Variants in ASPSCR1 observed in about 807,000 individuals in gnomAD.
ASPSCR1 encodes ASPSCR1 tether for SLC2A4, UBX domain containing.
Under a neutral mutation model 68.9 loss-of-function variants are expected in ASPSCR1, and 55 were observed. That is an observed-to-expected ratio of 0.80 (90% CI 0.64 to 1.00). The LOEUF (loss-of-function observed/expected upper bound fraction) is 1.00, where lower values mean the gene tolerates loss of function less well. ASPSCR1 is among the 50% of genes least tolerant of loss of function. The pLI, the probability that ASPSCR1 is intolerant of heterozygous loss-of-function variation, is 0.00. For missense variants in ASPSCR1, 765 were observed against 762.2 expected (o/e 1.00, Z -0.04); for synonymous variants, 352 against 332.6 (o/e 1.06, Z -0.63).
chr17:82,017,019 G>T lies in ASPSCR1; in HGVS notation c.1554G>T (p.Glu518Asp). Residue 518 changes from glutamate to aspartate, a missense_variant, in exon 15 of 16, where the codon GAG (glutamate) becomes GAT (aspartate). Physicochemically the swap from Glu to Asp is conservative, Grantham distance 45. Coordinates refer to ENST00000306739, the MANE Select transcript of ASPSCR1 (RefSeq NM_024083.4). Reference sequence around the variant, plus strand: ...CACCTAAGTCTGAGCCAGCTGCTGAGGAGGGGGCGCTGGTCCCCCCTGAGC... The same window carrying T: ...CACCTAAGTCTGAGCCAGCTGCTGATGAGGGGGCGCTGGTCCCCCCTGAGC... ...DPAPKSEPAA[E>D]EGALVPPEPI... 1 of 1,612,568 alleles carries T rather than the reference G, an allele frequency of 6.2e-7. No homozygotes were observed. Among genetic ancestry groups the T allele is most frequent in the Non-Finnish European group, 8.5e-7 (1 of 1,179,900 alleles).
At chr17:81,995,753 C>G (rs1388939738) in intron 5 of ASPSCR1, among the ~76,000 whole-genome samples, 1 of 152,246 alleles carries the variant, frequency 6.6e-6, no homozygotes, top group Non-Finnish European at 1.5e-5. Context: ...GCTGCGGAGA[C>G]CAGGCTGGGG....
At chr17:82,016,690 C>T (rs1048151913) in intron 13 of ASPSCR1, 110 bp from the exon 14 acceptor site, 2 of 1,452,410 alleles carry the variant, frequency 1.4e-6, no homozygotes, top group African/African-American at 1.4e-5. Flanking sequence ...CTGGGACAGC[C>T]ACCTGCTGGC....
intron 3 of ASPSCR1, among the ~76,000 whole-genome samples, chr17:81,985,252 GCA>G (rs1361218255): frequency 1.3e-5 from 2 of 151,446 alleles, no homozygotes; most frequent in South Asian, 4.2e-4. Context: ...ACACACATAT[GCA>G]CACACGCACG....
chr17:81,983,380 C>T lies in ASPSCR1; in HGVS notation c.159-174C>T, dbSNP rs915550249. Among the ~76,000 whole-genome samples, 1 of 152,026 alleles carries T rather than the reference C, an allele frequency of 6.6e-6. No homozygotes were observed. The highest frequency in any genetic ancestry group is 1.5e-5 in the Non-Finnish European group (1 of 68,020). On this transcript the variant is annotated intron_variant, in intron 2 of 15. Transcript: ENST00000306739. The surrounding 1 kb of genome is among the most constrained non-coding windows in gnomAD (Gnocchi z 4.4). Reference sequence around the variant, plus strand: ...GCAGGAGGCCCCATATGATCGGGGACCCGCCTTGTGCCTCTGCAGGTCATG... The same window carrying T: ...GCAGGAGGCCCCATATGATCGGGGATCCGCCTTGTGCCTCTGCAGGTCATG...
chr17:82,011,707 C>A, intron 11 of ASPSCR1, 102 bp downstream of exon 11: 3 of 1,320,338 alleles, frequency 2.3e-6, no homozygotes, highest in Non-Finnish European at 3.2e-6. Context: ...AGCTTCTCCA[C>A]AGGAGCAGCA....
chr17:81,995,452 G>A (rs762184697), intron 5 of ASPSCR1: 7 of 229,324 alleles, frequency 3.1e-5, no homozygotes, highest in Non-Finnish European at 5.2e-5. Flanking sequence ...ACTGTCCTGA[G>A]GCTGTGGCCC....
chr17:81,991,276 T>C (rs1567964828), intron 4 of ASPSCR1, among the ~76,000 whole-genome samples: 1 of 152,198 alleles, frequency 6.6e-6, no homozygotes, highest in African/African-American at 2.4e-5. Flanking sequence ...GGCCCCTGGC[T>C]GGATCTCTTC....
Position 81,977,703 on chromosome 17 carries a change from C to T in ASPSCR1, c.57C>T (p.Gly19=). Reference sequence around the variant, plus strand: ...CGGTGTCGGTGCTGGCCCCGAACGGCCGGCGCCACACGGTGAAGGTGACGC... The same window carrying T: ...CGGTGTCGGTGCTGGCCCCGAACGGTCGGCGCCACACGGTGAAGGTGACGC... The part of the protein sequence containing the change: ...GSAVSVLAPN[G]RRHTVKVTPS... The change falls in exon 1 of 16, where the codon GGC becomes GGT. Residue 19 remains glycine, a synonymous_variant. Transcript: ENST00000306739. This position sits in a 1 kb window ranked among gnomAD's most constrained non-coding sequence, Gnocchi z 5.0. 5 of 1,359,876 alleles carry T rather than the reference C, an allele frequency of 3.7e-6. No individual in the cohort carries two copies. The highest frequency in any genetic ancestry group is 3.8e-6 in the Non-Finnish European group (4 of 1,049,576). 84.2% of individuals were successfully genotyped at this position (1,359,876 alleles called of 1,614,324 possible). A position where few individuals can be genotyped will look rare whatever the true frequency, so the allele number is the denominator to read the frequency against.
intron 12 of ASPSCR1, chr17:82,015,381 C>G (rs1316648684): frequency 6.3e-7 from 1 of 1,588,240 alleles, no homozygotes; most frequent in Admixed American, 1.7e-5. Context: ...TCAGTGCTCC[C>G]TGCACAGAGG....
In ASPSCR1 at chr17:81,996,714, T is replaced by C. The variant is rs1316369670; in HGVS notation, c.801T>C (p.Ala267=). ...CGAGGCCTCTGACATCATCTTCAGC[T>C]AAGTTGCCGAAGTCCCTCTCCAGCC... is the stretch of plus-strand genomic sequence containing the variant. ...GPTRPLTSSS[A]KLPKSLSSPG... Residue 267 remains alanine, a synonymous_variant, in exon 7 of 16, where the codon GCT becomes GCC. Transcript: ENST00000306739. The C allele has an allele frequency of 6.2e-7, 1 of 1,613,534 alleles. No individual in the cohort carries two copies.
chr17:82,013,172 G>T (rs974173713), intron 12 of ASPSCR1: 5 of 152,214 alleles, frequency 3.3e-5, no homozygotes, highest in African/African-American at 1.2e-4. Context: ...GGAGGCAGGG[G>T]AGGGGTGAGA....
chr17:82,011,054 G>T (rs1385678288), intron 10 of ASPSCR1, among the ~76,000 whole-genome samples, 186 bp downstream of exon 10: 2 of 152,226 alleles, frequency 1.3e-5, no homozygotes, highest in African/African-American at 4.8e-5. Flanking sequence ...TGTCAGGCAG[G>T]CTGGGCGCTT....
chr17:81,984,383 G>C (rs1456235073), intron 3 of ASPSCR1, among the ~76,000 whole-genome samples: 1 of 152,024 alleles, frequency 6.6e-6, no homozygotes, highest in East Asian at 1.9e-4. Flanking sequence ...TTTGGGACCA[G>C]CCGGCCAACA....
intron 4 of ASPSCR1, among the ~76,000 whole-genome samples, chr17:81,993,099 T>G (rs2042224513): frequency 6.6e-6 from 1 of 152,118 alleles, no homozygotes; most frequent in Admixed American, 6.5e-5. Flanking sequence ...CCCACACACG[T>G]GGCCGAGTCC....
intron 7 of ASPSCR1, among the ~76,000 whole-genome samples, chr17:81,997,613 C>G (rs1186575413): frequency 1.3e-5 from 2 of 150,088 alleles, no homozygotes; most frequent in Non-Finnish European, 3.0e-5. Flanking sequence ...CTCAGCCTCC[C>G]GAGTAGCTGG....
intron 12 of ASPSCR1, chr17:82,015,198 C>G: frequency 6.3e-7 from 1 of 1,598,266 alleles, no homozygotes; most frequent in Non-Finnish European, 8.5e-7. Flanking sequence ...CTCTGGGAGG[C>G]TTCTTTTTTG....
intron 4 of ASPSCR1, among the ~76,000 whole-genome samples, chr17:81,989,836 G>T (rs1033122695): frequency 4.6e-5 from 7 of 152,220 alleles, no homozygotes; most frequent in African/African-American, 1.4e-4. Flanking sequence ...CACCCAGGCT[G>T]GAGTGCAGTG....
chr17:81,998,963 C>T (rs959322618), intron 7 of ASPSCR1, among the ~76,000 whole-genome samples: 3 of 152,232 alleles, frequency 2.0e-5, no homozygotes, highest in African/African-American at 7.2e-5. Flanking sequence ...TCCCCCCAAC[C>T]GTGGGGACCT....
chr17:82,015,043 G>T, intron 12 of ASPSCR1: 1 of 1,574,126 alleles, frequency 6.4e-7, no homozygotes, highest in Non-Finnish European at 8.6e-7. Flanking sequence ...GCTCTGGCTG[G>T]GGGGACGGTG....
Sources: allele counts gnomAD v4.1 joint callset (sites outside exome capture counted in the v4.1 genomes callset), GRCh38; gene constraint gnomAD v4.1.1; non-coding constraint Gnocchi (gnomAD v3.1); transcripts MANE v1.5; gene names NCBI Gene and HGNC (gene_info 2026-07-23, HGNC 2026-07-21).